The following AEBP2 variants were observed in gnomAD, a reference collection of about 807,000 sequenced individuals.
AEBP2 encodes the protein AE binding protein 2.
AEBP2 carries 10 observed loss-of-function variants against 50.8 expected under a neutral mutation model. The ratio of observed to expected loss-of-function variants is 0.20; its 90% CI spans 0.12 to 0.33. The LOEUF is 0.33. Among genes scored for constraint, AEBP2 ranks in the 10% least tolerant of loss-of-function variants. AEBP2 has a pLI of 1.00. For synonymous variants in AEBP2, 296 were observed against 261.3 expected (o/e 1.13, Z -1.28); for missense variants, 570 against 688.0 (o/e 0.83, Z 1.92).
chr12:19,421,332 G>A (rs1366257898), intron 1 of AEBP2, among the ~76,000 whole-genome samples: 7 of 121,266 alleles, frequency 5.8e-5, no homozygotes, highest in East Asian at 2.3e-4. Flanking sequence ...GTGACAGAGC[G>A]AGACTCTGTC....
At chr12:19,442,489 T>C (rs1016275624) in intron 1 of AEBP2, among the ~76,000 whole-genome samples, 1 of 152,238 alleles carries the variant, frequency 6.6e-6, no homozygotes, top group Non-Finnish European at 1.5e-5. Flanking sequence ...GACGAATTAT[T>C]GGTTAAGTAC....
At chr12:19,459,717 T>C (rs1050045552) in intron 1 of AEBP2, among the ~76,000 whole-genome samples, 1 of 152,200 alleles carries the variant, frequency 6.6e-6, no homozygotes, top group South Asian at 2.1e-4. Flanking sequence ...AGTTGCACTT[T>C]AGAATCTATA....
intron 7 of AEBP2, among the ~76,000 whole-genome samples, chr12:19,517,212 A>G (rs915250200): frequency 1.1e-4 from 17 of 152,218 alleles, no homozygotes; most frequent in African/African-American, 4.1e-4. Flanking sequence ...GAAATTAATT[A>G]AAAGAAGAAA....
chr12:19,440,619 GCTC>G, intron 1 of AEBP2: 1 of 1,477,322 alleles, frequency 6.8e-7, no homozygotes, highest in Non-Finnish European at 9.0e-7. Context: ...TCGGCGCTTC[GCTC>G]CTCACGGACC....
At chr12:19,417,416 T>C (rs557561002) in intron 1 of AEBP2, among the ~76,000 whole-genome samples, 1 of 152,072 alleles carries the variant, frequency 6.6e-6, no homozygotes, top group Admixed American at 6.6e-5. Context: ...TATGATTCTT[T>C]CTTTTATTGA....
At chr12:19,481,260 C>T (rs1948725878) in intron 3 of AEBP2, among the ~76,000 whole-genome samples, 1 of 151,478 alleles carries the variant, frequency 6.6e-6, no homozygotes, top group Admixed American at 6.6e-5. Context: ...ACCACCACAC[C>T]CAGCTAAGTT....
At chr12:19,437,331 T>C (rs929482872), upstream of AEBP2, among the ~76,000 whole-genome samples, 2 of 152,214 alleles carry the variant, frequency 1.3e-5, no homozygotes, top group Non-Finnish European at 2.9e-5. Flanking sequence ...AAGACTTCCA[T>C]TAAATTAATT....
chr12:19,465,637 C>G (rs1179064926), intron 2 of AEBP2, among the ~76,000 whole-genome samples: 1 of 151,890 alleles, frequency 6.6e-6, no homozygotes, highest in Non-Finnish European at 1.5e-5. Context: ...AGCGATCTGC[C>G]CGCCTTGGCC....
rs1048553678 is a variant in AEBP2 at position 19,440,668 on chromosome 12, G to A, written c.671+298G>A. On this transcript the variant is annotated intron_variant, in intron 1 of 7. Coordinates refer to ENST00000266508, the MANE Select transcript of AEBP2 (RefSeq NM_153207.5). ...TCTAACTCGGAAACAGTCCCCAAAC[G>A]GGCCCAGATCCTCTGGCGGAGCAGA... 4.6e-6 allele frequency: 7 copies of A among 1,532,004 alleles called. No individual in the cohort carries two copies. In the African/African-American group the frequency reaches 6.9e-5, roughly 15 times the overall value. 94.9% of individuals were successfully genotyped at this position (1,532,004 alleles called of 1,614,324 possible).
At chr12:19,487,309 A>G (rs1048832995) in intron 3 of AEBP2, among the ~76,000 whole-genome samples, 7 of 152,140 alleles carry the variant, frequency 4.6e-5, no homozygotes, top group African/African-American at 1.2e-4. Flanking sequence ...CATAATTTAT[A>G]TACATAAAAT....
intron 1 of AEBP2, among the ~76,000 whole-genome samples, chr12:19,445,403 A>C (rs1163669028): frequency 7.3e-6 from 1 of 137,004 alleles, no homozygotes; most frequent in East Asian, 2.1e-4. Flanking sequence ...TTTAGTAGAG[A>C]GGGTTGCACC....
At chr12:19,423,256 C>G (rs1189387297) in intron 1 of AEBP2, among the ~76,000 whole-genome samples, 1 of 151,956 alleles carries the variant, frequency 6.6e-6, no homozygotes. Flanking sequence ...CTTTCCAGGT[C>G]TAAGTTCTAT....
At chr12:19,420,228 C>T (rs2095744903) in intron 1 of AEBP2, among the ~76,000 whole-genome samples, 1 of 150,864 alleles carries the variant, frequency 6.6e-6, no homozygotes, top group Non-Finnish European at 1.5e-5. Flanking sequence ...GGGGTTTCAC[C>T]ACGTTGGCCA....
chr12:19,518,686 GA>G lies in AEBP2; in HGVS notation c.*573del. The G allele has an allele frequency of 6.8e-7, 1 of 1,479,498 alleles. No individual in the cohort carries two copies. Among genetic ancestry groups the G allele is most frequent in the South Asian group, 1.3e-5 (1 of 75,072 alleles). 91.6% of individuals were successfully genotyped at this position (1,479,498 alleles called of 1,614,324 possible). A position where few individuals can be genotyped will look rare whatever the true frequency, so the allele number is the denominator to read the frequency against. On this transcript the variant is annotated 3_prime_UTR_variant, in exon 8 of 8. Transcript: ENST00000266508. ...GTGTTCTTTTGCAGAACTCTGATAA[GA>G]AAAGTGTTCAATTTGTATTTAAGCA...
rs142882484 is a variant in AEBP2, at chr12:19,423,994, C to T, written c.-17+19778C>T. Among the ~76,000 whole-genome samples the T allele has an allele frequency of 3.9e-3, 596 of 152,218 alleles. 4 individuals are homozygous for T. The highest frequency in any genetic ancestry group is 0.013 in the African/African-American group (560 of 41,530). On this transcript the variant is annotated intron_variant, in intron 1 of 3. Transcript: ENST00000538425. ...ATCTCAAGGAGGCATCAATACTGTA[C>T]GGCAGCATGGAGGATGAATCTGGGA...
intron 1 of AEBP2, among the ~76,000 whole-genome samples, chr12:19,409,655 T>C (rs1232029909): frequency 6.6e-6 from 1 of 152,212 alleles, no homozygotes; most frequent in Non-Finnish European, 1.5e-5. Context: ...TGCAGTCTTA[T>C]GGAAATGAAA....
At chr12:19,415,334 AAAAAAAAAAAAAAAAAATATAT>A (rs1310627957) in intron 1 of AEBP2, among the ~76,000 whole-genome samples, 1 of 43,562 alleles carries the variant, frequency 2.3e-5, no homozygotes, top group Non-Finnish European at 4.5e-5. Context: ...AAAAAAAAAA[AAAAAAAAAAAAAAAAAATATAT>A]ATATATATAT....
intron 1 of AEBP2, among the ~76,000 whole-genome samples, chr12:19,406,222 C>T (rs973954822): frequency 6.6e-6 from 1 of 152,054 alleles, no homozygotes; most frequent in Non-Finnish European, 1.5e-5. Flanking sequence ...GCCTAGGGCT[C>T]CCAAAGTGCT....
intron 2 of AEBP2, among the ~76,000 whole-genome samples, 179 bp downstream of exon 2, chr12:19,462,896 G>A (rs748296892): frequency 7.9e-5 from 12 of 152,004 alleles, no homozygotes; most frequent in Non-Finnish European, 1.8e-4. Flanking sequence ...ATAAAAATAG[G>A]GTATGTGCTG....
Sources: gnomAD v4.1 joint callset for allele counts (sites outside exome capture counted in the v4.1 genomes callset) on GRCh38, gnomAD v4.1.1 for gene constraint, MANE v1.5 for transcripts, NCBI Gene and HGNC (gene_info 2026-07-23, HGNC 2026-07-21) for gene names.